Variants in USP33 observed in about 807,000 individuals in gnomAD.
USP33 encodes the protein ubiquitin specific peptidase 33.
USP33 carries 46 observed loss-of-function variants against 124.2 expected under a neutral mutation model. The ratio of observed to expected loss-of-function variants is 0.37; its 90% CI spans 0.29 to 0.47. The LOEUF is 0.47. Among genes scored for constraint, USP33 ranks in the 20% least tolerant of loss-of-function variants. The pLI, the probability that USP33 is intolerant of heterozygous loss-of-function variation, is 0.99. For synonymous variants in USP33, 350 were observed against 352.3 expected, an observed-to-expected ratio of 0.99 and a Z score of 0.07; for missense variants, 851 against 1,070.6, an observed-to-expected ratio of 0.79 and a Z score of 2.86.
rs1021100807 is a variant in USP33, at chr1:77,696,695, T to C, written c.*622A>G. 1 of 152,154 alleles carries C rather than the reference T, an allele frequency of 6.6e-6. No individual in the cohort carries two copies. Among genetic ancestry groups the C allele is most frequent in the Admixed American group, 6.5e-5 (1 of 15,276 alleles). 9.4% of individuals were successfully genotyped at this position (152,154 alleles called of 1,614,324 possible). On this transcript the variant is annotated 3_prime_UTR_variant, in exon 24 of 24. Transcript: ENST00000370794. ...AATGAAAAAGTTTTCAAAGCAAAAG[T>C]ATTTACAACACTACAAAGGATACTA...
In USP33 at chr1:77,740,131, AC is replaced by A. The variant is rs1678950882; in HGVS notation, c.199-715del. On this transcript the variant is annotated intron_variant, in intron 4 of 23. Coordinates refer to ENST00000370794, the MANE Select transcript of USP33 (RefSeq NM_201624.3). ...CCATTTAGAATGGGAGCTCTACATA[AC>A]ACTATAGAAGAGGCATGCCAGAGTT... 2.0e-5 allele frequency among the ~76,000 whole-genome samples: 3 copies of A among 152,188 alleles called. No homozygotes were observed. In the South Asian group the frequency reaches 6.2e-4, roughly 32 times the overall value.
intron 1 of USP33, among the ~76,000 whole-genome samples, chr1:77,744,818 C>A (rs897969500): frequency 4.6e-5 from 7 of 152,168 alleles, no homozygotes; most frequent in African/African-American, 1.2e-4. Context: ...GCATTCCAGT[C>A]TGAGTGACAC....
chr1:77,752,907 G>A (rs964000172), intron 1 of USP33, among the ~76,000 whole-genome samples: 31 of 151,716 alleles, frequency 2.0e-4, no homozygotes, highest in African/African-American at 7.3e-4. Context: ...GTGAAACCCT[G>A]TCTCTACTAA....
At chr1:77,711,282 C>T (rs973747464) in intron 21 of USP33, among the ~76,000 whole-genome samples, 2 of 151,980 alleles carry the variant, frequency 1.3e-5, no homozygotes, top group African/African-American at 4.8e-5. Flanking sequence ...AATCCCAGTA[C>T]TTTGTGGGGC....
intron 1 of USP33, among the ~76,000 whole-genome samples, chr1:77,746,057 C>A (rs1679711788): frequency 2.0e-5 from 3 of 152,016 alleles, no homozygotes; most frequent in African/African-American, 7.2e-5. Context: ...GAAATAGAGA[C>A]ACAAAAAACC....
intron 7 of USP33, 128 bp from the exon 8 acceptor site, chr1:77,730,859 C>T (rs1677725401): frequency 9.3e-6 from 5 of 539,528 alleles, no homozygotes; most frequent in African/African-American, 5.9e-5. Context: ...CCTCTTACAG[C>T]TTCACTTTCA....
chr1:77,725,080 AG>A (rs1677007623), intron 11 of USP33, among the ~76,000 whole-genome samples: 1 of 152,154 alleles, frequency 6.6e-6, no homozygotes, highest in Admixed American at 6.6e-5. Context: ...TGGTAGTAAA[AG>A]GAACAAACTA....
Position 77,728,420 on chromosome 1 carries a change from A to T in USP33, c.1010T>A (p.Met337Lys), listed in dbSNP as rs543469123. The T allele has an allele frequency of 3.1e-6, 5 of 1,614,016 alleles. No homozygotes were observed. The highest frequency in any genetic ancestry group is 1.7e-4 in the Middle Eastern group (1 of 6,058). Reference sequence around the variant, plus strand: ...ATTTACTTTATTAATCTTATTGCACATCTTCTCTTTTTGCCAATCCTTTGA... The same window carrying T: ...ATTTACTTTATTAATCTTATTGCACTTCTTCTCTTTTTGCCAATCCTTTGA... ...EMSKDWQKEK[M>K]CNKINKVNSE... Residue 337 changes from methionine (M) to lysine (K), a missense_variant, in exon 10 of 24, where the codon ATG (methionine) becomes AAG (lysine). Coordinates refer to ENST00000370794, the MANE Select transcript of USP33 (RefSeq NM_201624.3).
chr1:77,750,619 CTTAAAAAAGAAA>C (rs1365351207), intron 1 of USP33, among the ~76,000 whole-genome samples: 2 of 106,810 alleles, frequency 1.9e-5, no homozygotes, highest in African/African-American at 7.7e-5. Context: ...AAGACCCTGA[CTTAAAAAAGAAA>C]GAAAGAAAGA....
chr1:77,718,926 C>CAAAAA (rs1049500513), intron 15 of USP33, among the ~76,000 whole-genome samples: 5 of 52,420 alleles, frequency 9.5e-5, no homozygotes, highest in Admixed American at 2.0e-4. Flanking sequence ...GACCCTGCCT[C>CAAAAA]AAAAAAAAAA....
rs1557835774 is a variant in USP33, at chr1:77,722,013, TA to T, written c.1562+10del. The T allele has an allele frequency of 1.9e-5, 30 of 1,607,878 alleles. No individual in the cohort carries two copies. Among genetic ancestry groups the T allele is most frequent in the Non-Finnish European group, 2.5e-5 (30 of 1,177,922 alleles). On this transcript the variant is annotated intron_variant, in intron 13 of 23. Transcript: ENST00000370794. Reference sequence around the variant, plus strand: ...TAACAATCATGTAATACAAAGAAAATAAATACATACCTCTTCACATATTCCA... The same window carrying T: ...TAACAATCATGTAATACAAAGAAAATAATACATACCTCTTCACATATTCCA...
intron 1 of USP33, among the ~76,000 whole-genome samples, chr1:77,753,051 T>C (rs1680486632): frequency 6.6e-6 from 1 of 151,894 alleles, no homozygotes; most frequent in African/African-American, 2.4e-5. Context: ...TGCACTCCAG[T>C]CTGGGTGACA....
At position 77,730,614 on chromosome 1, in the gene USP33, A is replaced by T; in HGVS notation, c.638+4T>A. On this transcript the variant is annotated splice_donor_region_variant and intron_variant, in intron 8 of 23. Transcript: ENST00000370794. ...AAAGAAGAAGAGTATATTAAGTTACATACCTGCTTTTATGCCACAGCTCTG... is the reference window on the plus strand; with the variant it reads ...AAAGAAGAAGAGTATATTAAGTTACTTACCTGCTTTTATGCCACAGCTCTG... The T allele has an allele frequency of 6.5e-7, 1 of 1,539,616 alleles. No individual in the cohort carries two copies. Among genetic ancestry groups the T allele is most frequent in the Non-Finnish European group, 8.8e-7 (1 of 1,142,610 alleles).
chr1:77,707,748 T>C (rs895528121), intron 21 of USP33, among the ~76,000 whole-genome samples: 6 of 152,160 alleles, frequency 3.9e-5, no homozygotes, highest in African/African-American at 1.4e-4. Flanking sequence ...AAATAAGAAA[T>C]GGGTAGTGAT....
At chr1:77,710,817 G>A (rs140087282) in intron 21 of USP33, among the ~76,000 whole-genome samples, 130 of 152,190 alleles carry the variant, frequency 8.5e-4, no homozygotes, top group African/African-American at 3.0e-3. Flanking sequence ...ATGAATAAAC[G>A]TGTCTCTCAA....
chr1:77,714,814 T>C, intron 18 of USP33, 31 bp from the exon 19 acceptor site: 1 of 1,600,598 alleles, frequency 6.2e-7, no homozygotes, highest in Non-Finnish European at 8.5e-7. Flanking sequence ...TTAAATTCAA[T>C]ATGCATTTTA....
intron 22 of USP33, among the ~76,000 whole-genome samples, chr1:77,699,805 A>G (rs1429737032): frequency 1.3e-5 from 2 of 152,240 alleles, no homozygotes; most frequent in Admixed American, 6.5e-5. Context: ...ATGCCCATCT[A>G]TGATAGACTG....
intron 21 of USP33, among the ~76,000 whole-genome samples, chr1:77,710,445 G>GAC (rs1328427069): frequency 2.6e-5 from 4 of 152,178 alleles, no homozygotes; most frequent in Admixed American, 6.5e-5. Context: ...AATCCTGACA[G>GAC]ACACAGTCAT....
At chr1:77,757,058 TG>T (rs1314824950) in intron 1 of USP33, among the ~76,000 whole-genome samples, 1 of 152,242 alleles carries the variant, frequency 6.6e-6, no homozygotes, top group Non-Finnish European at 1.5e-5. Context: ...TTTTCTCAAA[TG>T]TAAGTTGTAC....
Sources: gnomAD v4.1 joint callset for allele counts (sites outside exome capture counted in the v4.1 genomes callset) on GRCh38, gnomAD v4.1.1 for gene constraint, MANE v1.5 for transcripts, NCBI Gene and HGNC (gene_info 2026-07-23, HGNC 2026-07-21) for gene names.